Variants in CERS6 observed in about 807,000 individuals in gnomAD.
CERS6 encodes LAG1 homolog, ceramide synthase 6.
A neutral mutation model predicts 56.8 loss-of-function variants in CERS6; 26 were observed. The observed-to-expected ratio is 0.46, with a 90% CI of 0.34 to 0.63. The LOEUF is 0.63. Ranked by LOEUF, CERS6 falls within the 30% of genes least tolerant of loss-of-function variation. The pLI is 0.01. For synonymous variants in CERS6, 164 were observed against 173.3 expected (o/e 0.95, Z 0.42); for missense variants, 415 against 467.5 (o/e 0.89, Z 1.04).
intron 2 of CERS6, among the ~76,000 whole-genome samples, chr2:168,555,274 G>A (rs1695654860): frequency 6.6e-6 from 1 of 151,924 alleles, no homozygotes; most frequent in Admixed American, 6.6e-5. Context: ...TATAAATACT[G>A]TCTTATTAAC....
At chr2:168,763,918 G>A (rs1002355043) in intron 8 of CERS6, among the ~76,000 whole-genome samples, 4 of 152,156 alleles carry the variant, frequency 2.6e-5, no homozygotes, top group Non-Finnish European at 2.9e-5. Flanking sequence ...AGCAGTATGA[G>A]TCCAGATGAC....
chr2:168,640,787 TGAG>T (rs1684971116), intron 4 of CERS6, among the ~76,000 whole-genome samples: 1 of 152,228 alleles, frequency 6.6e-6, no homozygotes, highest in African/African-American at 2.4e-5. Context: ...CAAAGAAGGC[TGAG>T]TTTTCCTGCT....
At chr2:168,644,171 G>A (rs1685118222) in intron 4 of CERS6, 3 of 952,944 alleles carry the variant, frequency 3.1e-6, no homozygotes, top group Admixed American at 1.2e-4. Flanking sequence ...CTGTAGTGAT[G>A]ATGAAAATAG....
chr2:168,714,500 A>G (rs1687178670), intron 6 of CERS6, among the ~76,000 whole-genome samples: 1 of 152,222 alleles, frequency 6.6e-6, no homozygotes, highest in African/African-American at 2.4e-5. Context: ...AAACCTGTAC[A>G]GTTGCCCCAA....
intron 1 of CERS6, among the ~76,000 whole-genome samples, chr2:168,478,756 C>G (rs1169713203): frequency 6.6e-6 from 1 of 152,192 alleles, no homozygotes; most frequent in Non-Finnish European, 1.5e-5. Flanking sequence ...TACCCTGGCC[C>G]TTCTGTCTTG....
chr2:168,538,111 G>A (rs1167123561), intron 1 of CERS6, among the ~76,000 whole-genome samples: 1 of 152,050 alleles, frequency 6.6e-6, no homozygotes, highest in Non-Finnish European at 1.5e-5. Context: ...GCCTTGCTGT[G>A]TCCATCCTTG....
At chr2:168,655,386 C>T (rs1427848684) in intron 4 of CERS6, among the ~76,000 whole-genome samples, 1 of 152,180 alleles carries the variant, frequency 6.6e-6, no homozygotes, top group Non-Finnish European at 1.5e-5. Context: ...AGGTATATAT[C>T]CAAAGTAGAT....
intron 1 of CERS6, among the ~76,000 whole-genome samples, chr2:168,531,047 TA>T (rs922724784): frequency 7.2e-5 from 11 of 152,052 alleles, no homozygotes; most frequent in South Asian, 2.1e-4. Context: ...AATCCTTAAT[TA>T]AAAAAAATTA....
At chr2:168,678,422 C>A (rs556621894) in intron 4 of CERS6, among the ~76,000 whole-genome samples, 2 of 152,250 alleles carry the variant, frequency 1.3e-5, no homozygotes, top group South Asian at 2.1e-4. Context: ...CTGGCTGGAT[C>A]GTCAGACTTC....
intron 3 of CERS6, among the ~76,000 whole-genome samples, chr2:168,590,893 G>T (rs867352536): frequency 1.7e-4 from 26 of 152,226 alleles, no homozygotes; most frequent in African/African-American, 5.3e-4. Flanking sequence ...CACAAACACT[G>T]AATCCAGATA....
chr2:168,721,766 G>T (rs917237797), intron 8 of CERS6, among the ~76,000 whole-genome samples: 4 of 151,868 alleles, frequency 2.6e-5, no homozygotes, highest in African/African-American at 9.7e-5. Flanking sequence ...CTACAGGTAT[G>T]TGCCACAATA....
At chr2:168,679,405 A>G (rs1046991959) in intron 4 of CERS6, among the ~76,000 whole-genome samples, 1 of 152,234 alleles carries the variant, frequency 6.6e-6, no homozygotes, top group African/African-American at 2.4e-5. Context: ...CAATATCTAC[A>G]CGTGTTAAAA....
chr2:168,596,082 C>CAAA (rs11416261), intron 3 of CERS6, among the ~76,000 whole-genome samples: 2,578 of 138,836 alleles, frequency 0.019, 110 homozygotes, highest in East Asian at 0.17. Flanking sequence ...GACCCTGTCT[C>CAAA]AAAAAAAAAA....
intron 8 of CERS6, among the ~76,000 whole-genome samples, chr2:168,747,953 T>C (rs1204558559): frequency 1.3e-5 from 2 of 152,236 alleles, no homozygotes; most frequent in Non-Finnish European, 2.9e-5. Flanking sequence ...TTGTATTTAT[T>C]GGATTATTAA....
intron 9 of CERS6, among the ~76,000 whole-genome samples, chr2:168,768,110 G>A (rs565447163): frequency 3.9e-5 from 6 of 152,170 alleles, no homozygotes; most frequent in East Asian, 3.9e-4. Context: ...TTTTCTCATC[G>A]TTTATGGTAA....
chr2:168,487,132 G>GT lies in CERS6; in HGVS notation c.170+30515dup, dbSNP rs201645668. On this transcript the variant is annotated intron_variant, in intron 1 of 9. Transcript: ENST00000305747. ...TTGTTTTTAAATCACATCACAAAAT[G>GT]TATGTTAAAACACACAAGGTGAGGA... Among the ~76,000 whole-genome samples, 44 of 152,250 alleles carry GT rather than the reference G, an allele frequency of 2.9e-4. No homozygotes were observed. In the East Asian group the frequency reaches 8.1e-3, roughly 28 times the overall value.
intron 4 of CERS6, among the ~76,000 whole-genome samples, chr2:168,654,029 A>T (rs891664907): frequency 6.6e-6 from 1 of 152,210 alleles, no homozygotes; most frequent in African/African-American, 2.4e-5. Flanking sequence ...GTTTTAGATT[A>T]CTAAGCACTT....
At chr2:168,560,451 C>T (rs1250094875) in intron 2 of CERS6, among the ~76,000 whole-genome samples, 1 of 152,190 alleles carries the variant, frequency 6.6e-6, no homozygotes, top group East Asian at 1.9e-4. Flanking sequence ...AACTGAGGCT[C>T]AGAGAGGTCA....
At chr2:168,587,625 C>T (rs893402094) in intron 3 of CERS6, among the ~76,000 whole-genome samples, 4 of 152,172 alleles carry the variant, frequency 2.6e-5, no homozygotes, top group East Asian at 3.9e-4. Context: ...TGTGAAAAAC[C>T]GTCTTTGCCT....
Sources: allele counts gnomAD v4.1 joint callset (sites outside exome capture counted in the v4.1 genomes callset), GRCh38; gene constraint gnomAD v4.1.1; transcripts MANE v1.5; gene names NCBI Gene and HGNC (gene_info 2026-07-23, HGNC 2026-07-21).